The following GALNT14 variants were observed in gnomAD, a reference collection of about 807,000 sequenced individuals.
The protein encoded by GALNT14 is polypeptide N-acetylgalactosaminyltransferase 14.
GALNT14 carries 60 observed loss-of-function variants against 77.5 expected under a neutral mutation model. That is an observed-to-expected ratio of 0.77 (90% CI 0.63 to 0.96). The LOEUF (loss-of-function observed/expected upper bound fraction) is 0.96. GALNT14 is among the 40% of genes least tolerant of loss of function. GALNT14 has a pLI of 0.00. For missense variants in GALNT14, 710 were observed against 731.0 expected (o/e 0.97, Z 0.33); for synonymous variants, 280 against 281.7 (o/e 0.99, Z 0.06).
At chr2:31,090,757 C>G (rs950501434) in intron 1 of GALNT14, among the ~76,000 whole-genome samples, 3 of 151,818 alleles carry the variant, frequency 2.0e-5, no homozygotes, top group African/African-American at 7.3e-5. Context: ...GCTGGGATTA[C>G]AGGCATGAGC....
chr2:30,981,594 T>C (rs1409520442), intron 2 of GALNT14, among the ~76,000 whole-genome samples: 3 of 150,604 alleles, frequency 2.0e-5, no homozygotes, highest in African/African-American at 4.9e-5. Context: ...TCTGATGCTC[T>C]GCAGGGCCCT....
intron 3 of GALNT14, among the ~76,000 whole-genome samples, chr2:30,964,889 C>T (rs77070134): frequency 2.6e-5 from 4 of 152,098 alleles, no homozygotes; most frequent in Admixed American, 2.6e-4. Flanking sequence ...AGCCATGCGG[C>T]GGCGGGAGAG....
intron 1 of GALNT14, among the ~76,000 whole-genome samples, chr2:31,022,305 C>T (rs993517655): frequency 3.9e-5 from 6 of 152,218 alleles, no homozygotes; most frequent in African/African-American, 9.6e-5. Context: ...CAAATATGGG[C>T]GTGTACCCCT....
At chr2:31,086,935 A>C (rs776682882) in intron 1 of GALNT14, among the ~76,000 whole-genome samples, 1 of 152,218 alleles carries the variant, frequency 6.6e-6, no homozygotes, top group African/African-American at 2.4e-5. Context: ...GAGACAGATA[A>C]ACTCCAAGAG....
intron 1 of GALNT14, among the ~76,000 whole-genome samples, chr2:31,005,162 T>C (rs1190207580): frequency 2.6e-5 from 4 of 152,220 alleles, no homozygotes; most frequent in Non-Finnish European, 4.4e-5. Flanking sequence ...AAAGTGATCA[T>C]AGTAAACATT....
the GALNT14 span, among the ~76,000 whole-genome samples, chr2:30,904,933 A>AC: frequency 2.6e-5 from 4 of 151,582 alleles, no homozygotes; most frequent in African/African-American, 9.7e-5. Context: ...ACTGGGAGGC[A>AC]CCCCCCAGCA....
At chr2:31,014,886 G>A (rs1671256402) in intron 1 of GALNT14, among the ~76,000 whole-genome samples, 1 of 152,098 alleles carries the variant, frequency 6.6e-6, no homozygotes, top group Admixed American at 6.6e-5. Context: ...GAAGGAGAAG[G>A]AAACATGAGA....
intron 1 of GALNT14, among the ~76,000 whole-genome samples, chr2:31,023,996 G>T (rs1447390444): frequency 6.6e-6 from 1 of 152,042 alleles, no homozygotes; most frequent in African/African-American, 2.4e-5. Context: ...TCCTGAGTGT[G>T]TGGCCCCAAC....
At position 30,923,301 on chromosome 2, in the gene GALNT14, T is replaced by C. The variant is rs146519399; in HGVS notation, c.1380+818A>G. Among the ~76,000 whole-genome samples the C allele has an allele frequency of 2.4e-3, 367 of 152,146 alleles. 1 individual carries two copies. Among genetic ancestry groups the C allele is most frequent in the African/African-American group, 8.4e-3 (348 of 41,514 alleles). On this transcript the variant is annotated intron_variant, in intron 13 of 14. Transcript: ENST00000349752. The stretch of plus-strand genomic sequence containing the variant: ...CTGGTCTTGAACTCCGGACCTTAGG[T>C]GATCCACCCACCTTGACCTTCCAAA...
intron 13 of GALNT14, among the ~76,000 whole-genome samples, chr2:30,918,984 G>T (rs1303516607): frequency 6.6e-6 from 1 of 152,156 alleles, no homozygotes; most frequent in African/African-American, 2.4e-5. Flanking sequence ...ATTAGGGGGA[G>T]ACTTTATCTT....
intron 1 of GALNT14, among the ~76,000 whole-genome samples, chr2:31,018,038 C>A (rs867276920): frequency 3.3e-5 from 5 of 152,312 alleles, no homozygotes; most frequent in Admixed American, 1.3e-4. Context: ...TCAGGGCCAG[C>A]CACTCAGCAC....
chr2:31,085,765 T>C (rs6543600), intron 1 of GALNT14, among the ~76,000 whole-genome samples: 90,655 of 152,164 alleles, frequency 0.6, 27,844 homozygotes, highest in African/African-American at 0.75. Context: ...GCTCTGCCAC[T>C]ATCACCTCCT....
rs1673363929 is a variant in GALNT14 at position 31,045,211 on chromosome 2, C to T, written c.130-52204G>A. Among the ~76,000 whole-genome samples, 4 of 152,142 alleles carry T rather than the reference C, an allele frequency of 2.6e-5. No homozygotes were observed. In the South Asian group the frequency reaches 8.3e-4, roughly 32 times the overall value. ...TGAGAAAACTGGCCCAAACCTTGAACTTCAGAGGCCTTGCCATTTCTACAT... is the reference window on the plus strand; with the variant it reads ...TGAGAAAACTGGCCCAAACCTTGAATTTCAGAGGCCTTGCCATTTCTACAT... On this transcript the variant is annotated intron_variant, in intron 1 of 14. Transcript: ENST00000349752.
At chr2:30,905,962 A>G (rs1206169394), downstream of GALNT14, among the ~76,000 whole-genome samples, 2 of 151,776 alleles carry the variant, frequency 1.3e-5, no homozygotes, top group African/African-American at 2.4e-5. Flanking sequence ...AGCCAAACTA[A>G]GCTTCATAAG....
intron 1 of GALNT14, among the ~76,000 whole-genome samples, chr2:31,040,435 G>C (rs895380644): frequency 6.6e-6 from 1 of 152,172 alleles, no homozygotes; most frequent in African/African-American, 2.4e-5. Flanking sequence ...AGTAGGTCTT[G>C]AGAAGGGTCC....
intron 1 of GALNT14, among the ~76,000 whole-genome samples, chr2:31,130,783 T>TGTGTGTGTGCGC (rs1181788023): frequency 2.0e-4 from 24 of 118,670 alleles, no homozygotes; most frequent in African/African-American, 7.7e-4. Flanking sequence ...TGTGTGTGTG[T>TGTGTGTGTGCGC]GCGCGCGCAC....
intron 9 of GALNT14, among the ~76,000 whole-genome samples, chr2:30,935,135 C>A (rs1174018023): frequency 6.6e-6 from 1 of 152,152 alleles, no homozygotes; most frequent in East Asian, 1.9e-4. Flanking sequence ...TCCTAACAAC[C>A]CTGCTCCATT....
In GALNT14 at chr2:31,114,840, G is replaced by C. The variant is rs1359945565; in HGVS notation, c.129+23118C>G. Reference sequence around the variant, plus strand: ...GCAAGGTGTCCTCCTAAGTCCCAAAGATAAGGAGAAAATGTCATGAGCTCC... The same window carrying C: ...GCAAGGTGTCCTCCTAAGTCCCAAACATAAGGAGAAAATGTCATGAGCTCC... On this transcript the variant is annotated intron_variant, in intron 1 of 14. Coordinates refer to ENST00000349752, the MANE Select transcript of GALNT14 (RefSeq NM_024572.4). The C allele has an allele frequency of 9.8e-6, 7 of 716,690 alleles. No homozygotes were observed. In the East Asian group the frequency reaches 1.9e-4, roughly 19 times the overall value. 44.4% of individuals were successfully genotyped at this position (716,690 alleles called of 1,614,324 possible).
intron 1 of GALNT14, among the ~76,000 whole-genome samples, chr2:31,043,565 C>A (rs1417368951): frequency 1.3e-5 from 2 of 152,100 alleles, no homozygotes; most frequent in Non-Finnish European, 2.9e-5. Context: ...TGGATCTGGT[C>A]CCTGCAGGGG....
Sources: allele counts gnomAD v4.1 joint callset (sites outside exome capture counted in the v4.1 genomes callset), GRCh38; gene constraint gnomAD v4.1.1; transcripts MANE v1.5; gene names NCBI Gene and HGNC (gene_info 2026-07-23, HGNC 2026-07-21).